Variants in SPON2 observed in about 807,000 individuals in gnomAD.
SPON2 encodes the protein spondin-2.
A neutral mutation model predicts 29.9 loss-of-function variants in SPON2; 32 were observed. That is an observed-to-expected ratio of 1.07 (90% CI 0.81 to 1.44). The LOEUF is 1.44. Ranked by LOEUF, SPON2 falls within the 40% of genes most tolerant of loss-of-function variation. The probability of loss-of-function intolerance (pLI) is 0.00; values close to 1 mark genes in which losing one functional copy is unlikely to be tolerated. For missense variants in SPON2, 541 were observed against 455.5 expected (o/e 1.19, Z -1.71); for synonymous variants, 248 against 209.1 (o/e 1.19, Z -1.61).
chr4:1,205,883 A>G (rs966810808), intron 1 of SPON2, among the ~76,000 whole-genome samples: 7 of 151,548 alleles, frequency 4.6e-5, no homozygotes, highest in Non-Finnish European at 1.0e-4. Flanking sequence ...GGCCTCTGAG[A>G]CCTCCTCGCT....
At chr4:1,197,553 G>GA (rs1004067352), upstream of SPON2, among the ~76,000 whole-genome samples, 1 of 151,970 alleles carries the variant, frequency 6.6e-6, no homozygotes, top group African/African-American at 2.4e-5. Flanking sequence ...TTTTTTAGAG[G>GA]AAAAAATAAA....
chr4:1,197,654 A>G (rs1039001057), upstream of SPON2, among the ~76,000 whole-genome samples: 10 of 152,014 alleles, frequency 6.6e-5, no homozygotes, highest in Non-Finnish European at 1.3e-4. Flanking sequence ...ATAAAGCCAG[A>G]AATTAATGAG....
At chr4:1,203,766 G>A (rs946939846) in intron 1 of SPON2, among the ~76,000 whole-genome samples, 30 of 152,128 alleles carry the variant, frequency 2.0e-4, no homozygotes, top group African/African-American at 6.3e-4. Flanking sequence ...GTGGTCTCGT[G>A]TGGTTTTTAT....
At chr4:1,179,727 T>A (rs964521834) in intron 1 of SPON2, among the ~76,000 whole-genome samples, 1 of 152,142 alleles carries the variant, frequency 6.6e-6, no homozygotes, top group Non-Finnish European at 1.5e-5. Context: ...ACATTTGTGA[T>A]AAAAACTAAC....
chr4:1,178,186 A>G, upstream of SPON2, among the ~76,000 whole-genome samples: 1 of 137,896 alleles, frequency 7.3e-6, no homozygotes, highest in Admixed American at 7.2e-5. Context: ...GGCTCTGCAC[A>G]CACCGAGGGC....
chr4:1,191,785 G>A (rs1030253390), intron 1 of SPON2, among the ~76,000 whole-genome samples: 5 of 152,230 alleles, frequency 3.3e-5, no homozygotes, highest in Admixed American at 6.5e-5. Context: ...GGGTGTGTGC[G>A]AGGCAGCGGT....
chr4:1,179,392 A>G (rs1727665952), intron 2 of SPON2: 1 of 152,190 alleles, frequency 6.6e-6, no homozygotes, highest in Non-Finnish European at 1.5e-5. Flanking sequence ...TCTGTGCAAC[A>G]GTCCGCCTCC....
chr4:1,170,551 G>A lies in SPON2; in HGVS notation c.662C>T (p.Pro221Leu), dbSNP rs770082542. Residue 221 changes from proline (P) to leucine (L), a missense_variant, in exon 5 of 6, where the codon CCG becomes CTG. By Grantham distance (98) the Pro-to-Leu change is moderately conservative. Transcript: ENST00000290902. ...TEITSSSPSH[P>L]ANSFYYPRLK... The stretch of plus-strand genomic sequence containing the variant: ...CCGCGGGTAGTAGAAGGAGTTGGCC[G>A]GGTGGCTGGGAGAGGAGGACGTTAT... The A allele has an allele frequency of 1.8e-5, 29 of 1,613,536 alleles. No homozygotes were observed. The highest frequency in any genetic ancestry group is 9.4e-5 in the African/African-American group (7 of 74,860).
intron 1 of SPON2, among the ~76,000 whole-genome samples, chr4:1,186,110 G>A (rs936069115): frequency 2.0e-5 from 3 of 149,820 alleles, no homozygotes; most frequent in African/African-American, 4.9e-5. Flanking sequence ...CGGGCGTGGT[G>A]GTGGGCGCCT....
chr4:1,172,446 T>TG, intron 1 of SPON2, 98 bp downstream of exon 1: 2 of 342,230 alleles, frequency 5.8e-6, no homozygotes, highest in South Asian at 2.8e-5. Flanking sequence ...CAGCCAGTCC[T>TG]GGGGGTCCCT....
chr4:1,171,257 G>A lies in SPON2; in HGVS notation c.444+6C>T, dbSNP rs1211497398. 3 of 1,483,880 alleles carry A rather than the reference G, an allele frequency of 2.0e-6. No individual in the cohort carries two copies. Among genetic ancestry groups the A allele is most frequent in the South Asian group, 2.6e-5 (2 of 75,776 alleles). 91.9% of individuals were successfully genotyped at this position (1,483,880 alleles called of 1,614,324 possible). On this transcript the variant is annotated splice_donor_region_variant and intron_variant, in intron 3 of 5. Coordinates refer to ENST00000290902, the MANE Select transcript of SPON2 (RefSeq NM_012445.4). ...GGACCCCGCCCCCGGCCGGCCCCGC[G>A]CTCACCAGCGAGTGCCTGCGCTGCA... is the stretch of plus-strand genomic sequence containing the variant.
upstream of SPON2, among the ~76,000 whole-genome samples, chr4:1,175,249 C>A (rs1222458849): frequency 1.3e-5 from 2 of 152,246 alleles, no homozygotes; most frequent in Non-Finnish European, 2.9e-5. Flanking sequence ...GGGGCATGTT[C>A]CTGTGTAGGA....
intron 1 of SPON2, among the ~76,000 whole-genome samples, chr4:1,204,708 C>T (rs553062695): frequency 6.6e-6 from 1 of 152,316 alleles, no homozygotes; most frequent in Admixed American, 6.5e-5. Flanking sequence ...TAATTGGCCC[C>T]GCTGTGGCAG....
chr4:1,186,248 A>G (rs1340584692), intron 1 of SPON2, among the ~76,000 whole-genome samples: 1 of 151,962 alleles, frequency 6.6e-6, no homozygotes, highest in Non-Finnish European at 1.5e-5. Context: ...CGTCTCAAAA[A>G]AAAAAAAAAA....
chr4:1,172,163 C>CT lies in SPON2; in HGVS notation c.-3-90dup, dbSNP rs1371658178. ...CGAGAGGGCTGCGGCACTTTGGGCTCTGAGGACGGCCCCGAGCACCCGCGA... is the reference window on the plus strand; with the variant it reads ...CGAGAGGGCTGCGGCACTTTGGGCTCTTGAGGACGGCCCCGAGCACCCGCGA... On this transcript the variant is annotated intron_variant, in intron 1 of 5. Transcript: ENST00000290902. 3.4e-6 allele frequency: 4 copies of CT among 1,171,960 alleles called. No homozygotes were observed. The Admixed American group carries it at 6.5e-5, about 19-fold the overall frequency. 72.6% of individuals were successfully genotyped at this position (1,171,960 alleles called of 1,614,324 possible). A position where few individuals can be genotyped will look rare whatever the true frequency, so the allele number is the denominator to read the frequency against.
chr4:1,170,553 G>A lies in SPON2; in HGVS notation c.660C>T (p.His220=). The A allele has an allele frequency of 6.2e-7, 1 of 1,613,484 alleles. No individual in the cohort carries two copies. ...GCGGGTAGTAGAAGGAGTTGGCCGG[G>A]TGGCTGGGAGAGGAGGACGTTATCT... ...VTEITSSSPS[H]PANSFYYPRL... The change falls in exon 5 of 6, where the codon CAC becomes CAT. Residue 220 remains histidine (H), a synonymous_variant. Coordinates refer to ENST00000290902, the MANE Select transcript of SPON2 (RefSeq NM_012445.4).
At chr4:1,205,902 G>C (rs936206328) in intron 1 of SPON2, among the ~76,000 whole-genome samples, 1 of 152,290 alleles carries the variant, frequency 6.6e-6, no homozygotes, top group African/African-American at 2.4e-5. Context: ...CTCGGGCCTG[G>C]GGGTTGGGGC....
intron 1 of SPON2, among the ~76,000 whole-genome samples, chr4:1,190,347 C>T (rs891789246): frequency 1.5e-4 from 23 of 151,920 alleles, no homozygotes; most frequent in Admixed American, 7.9e-4. Context: ...GAGATGGCTT[C>T]CCTGGTGAAT....
chr4:1,167,828 C>G, intron 5 of SPON2, 172 bp from the exon 6 acceptor site: 1 of 606,184 alleles, frequency 1.6e-6, no homozygotes, highest in Non-Finnish European at 2.7e-6. Context: ...GGGATGGCAC[C>G]ATAGCAACCT....
Sources: allele counts gnomAD v4.1 joint callset (sites outside exome capture counted in the v4.1 genomes callset), GRCh38; gene constraint gnomAD v4.1.1; transcripts MANE v1.5; gene names NCBI Gene and HGNC (gene_info 2026-07-23, HGNC 2026-07-21).